DISP1: variants seen among roughly 807,000 people sequenced by gnomAD.
DISP1 encodes dispatched RND transporter family member 1, also known as protein dispatched homolog 1.
Under a neutral mutation model 37.3 loss-of-function variants are expected in DISP1, and 30 were observed. That is an observed-to-expected ratio of 0.80 (90% confidence interval 0.60 to 1.09). The LOEUF is 1.09. DISP1 is among the 50% of genes least tolerant of loss of function. DISP1 has a pLI of 0.00. For missense variants in DISP1, 1,598 were observed against 1,879.5 expected (o/e 0.85, Z 2.77); for synonymous variants, 634 against 690.2 (o/e 0.92, Z 1.28).
At chr1:222,877,853 G>A (rs1364854222) in intron 1 of DISP1, among the ~76,000 whole-genome samples, 1 of 152,208 alleles carries the variant, frequency 6.6e-6, no homozygotes, top group East Asian at 1.9e-4. Context: ...ACTCGGTGAA[G>A]AAGGGAGGGC....
chr1:222,955,212 G>A (rs750128914), intron 3 of DISP1, among the ~76,000 whole-genome samples: 6 of 151,688 alleles, frequency 4.0e-5, no homozygotes, highest in Non-Finnish European at 5.9e-5. Flanking sequence ...TCAGCCTCTC[G>A]AGTAGCTGGA....
intron 3 of DISP1, among the ~76,000 whole-genome samples, chr1:222,969,787 T>G (rs1425643533): frequency 2.0e-5 from 3 of 152,118 alleles, no homozygotes; most frequent in African/African-American, 7.2e-5. Flanking sequence ...TTACAATGTT[T>G]TATCTGTGTA....
intron 1 of DISP1, among the ~76,000 whole-genome samples, chr1:222,905,178 T>G (rs1483291134): frequency 6.6e-6 from 1 of 152,176 alleles, no homozygotes; most frequent in African/African-American, 2.4e-5. Flanking sequence ...AAAATATTAT[T>G]TTATAAATAG....
intron 3 of DISP1, among the ~76,000 whole-genome samples, chr1:222,969,024 A>G (rs181181286): frequency 6.6e-6 from 1 of 152,174 alleles, no homozygotes; most frequent in East Asian, 1.9e-4. Context: ...AATTGGGAAA[A>G]ACTAACATCT....
chr1:222,880,823 G>C (rs1381873755), intron 1 of DISP1, among the ~76,000 whole-genome samples: 1 of 152,160 alleles, frequency 6.6e-6, no homozygotes, highest in African/African-American at 2.4e-5. Context: ...TGCTTTGGGA[G>C]GCTGAGGCAG....
At chr1:222,928,817 T>A (rs1673228766) in intron 2 of DISP1, among the ~76,000 whole-genome samples, 1 of 152,164 alleles carries the variant, frequency 6.6e-6, no homozygotes, top group South Asian at 2.1e-4. Flanking sequence ...ATTTCTTAAG[T>A]TTGTTAAAAT....
Position 222,982,189 on chromosome 1 carries a change from T to C in DISP1, c.510-891T>C, listed in dbSNP as rs375428524. On this transcript the variant is annotated intron_variant, in intron 3 of 8. Coordinates refer to ENST00000675850, the MANE Select transcript of DISP1 (RefSeq NM_001377229.1). ...GCTTACTAAAAGCCGTATTCTCATA[T>C]TTGTTCTGCAATCTATGGCAATATG... Among the ~76,000 whole-genome samples the C allele has an allele frequency of 1.7e-4, 26 of 152,372 alleles. No homozygotes were observed. The East Asian group carries it at 4.2e-3, about 25-fold the overall frequency.
intron 3 of DISP1, among the ~76,000 whole-genome samples, chr1:222,951,949 T>C (rs1479763554): frequency 1.3e-5 from 2 of 152,200 alleles, no homozygotes; most frequent in Non-Finnish European, 2.9e-5. Flanking sequence ...TGTGTAAACT[T>C]TTATGTATAA....
intron 1 of DISP1, among the ~76,000 whole-genome samples, chr1:222,837,677 C>T (rs1667324761): frequency 6.6e-6 from 1 of 151,972 alleles, no homozygotes; most frequent in South Asian, 2.1e-4. Flanking sequence ...AAATAACTAG[C>T]AACAGCCAGT....
chr1:222,986,292 A>G (rs926309150), intron 4 of DISP1, among the ~76,000 whole-genome samples: 4 of 113,994 alleles, frequency 3.5e-5, no homozygotes, highest in African/African-American at 8.6e-5. Flanking sequence ...TGAGAAAGGC[A>G]GCAAAGAGCA....
intron 1 of DISP1, among the ~76,000 whole-genome samples, chr1:222,866,498 C>T (rs896111028): frequency 3.6e-4 from 54 of 152,050 alleles, no homozygotes; most frequent in African/African-American, 1.3e-3. Context: ...GTGCGTGCCA[C>T]CACGCCTAGC....
chr1:222,841,069 CAT>C (rs1446606448), intron 1 of DISP1, among the ~76,000 whole-genome samples: 1 of 152,044 alleles, frequency 6.6e-6, no homozygotes, highest in Non-Finnish European at 1.5e-5. Context: ...CAGTGCCAGA[CAT>C]ATAAAATGCT....
chr1:222,865,289 G>A (rs879356076), intron 1 of DISP1, among the ~76,000 whole-genome samples: 9 of 152,092 alleles, frequency 5.9e-5, no homozygotes, highest in Admixed American at 5.9e-4. Flanking sequence ...AGTAGGAAAA[G>A]TTGGAAAAGG....
At chr1:222,879,014 G>C (rs1026291877) in intron 1 of DISP1, among the ~76,000 whole-genome samples, 24 of 152,196 alleles carry the variant, frequency 1.6e-4, no homozygotes, top group African/African-American at 5.8e-4. Flanking sequence ...TGGCAGCTTG[G>C]TTCTTTGTCT....
At position 223,005,471 on chromosome 1, in the gene DISP1, C is replaced by T. The variant is rs766269187; in HGVS notation, c.4074C>T (p.His1358=). 266 of 1,613,718 alleles carry T rather than the reference C, an allele frequency of 1.6e-4. No homozygotes were observed. Among genetic ancestry groups the T allele is most frequent in the Non-Finnish European group, 2.0e-4 (235 of 1,180,036 alleles). Residue 1358 remains histidine, a synonymous_variant, in exon 9 of 9, where the codon CAC becomes CAT. Coordinates refer to ENST00000675850, the MANE Select transcript of DISP1 (RefSeq NM_001377229.1). ...CTCTGCCTAGGAATTTTTTCCTCCA[C>T]CCAGTGCAGCACATTCAGGCCCAAG... ...QNSLPRNFFL[H]PVQHIQAQEK...
intron 8 of DISP1, 58 bp downstream of exon 8, chr1:222,995,040 T>C: frequency 1.5e-6 from 2 of 1,346,062 alleles, no homozygotes; most frequent in Non-Finnish European, 2.1e-6. Flanking sequence ...TTATTGAAAC[T>C]CCTTTTACTG....
intron 1 of DISP1, among the ~76,000 whole-genome samples, chr1:222,865,889 G>A (rs1669158790): frequency 6.6e-6 from 1 of 152,062 alleles, no homozygotes; most frequent in Admixed American, 6.5e-5. Context: ...AGCCAGTTAC[G>A]TTTTTGTTTT....
intron 8 of DISP1, 113 bp downstream of exon 8, chr1:222,995,095 C>T (rs1397522062): frequency 5.9e-6 from 5 of 850,212 alleles, no homozygotes; most frequent in Non-Finnish European, 9.8e-6. Flanking sequence ...AGAGGCTTAC[C>T]TACTGAGGAG....
intron 2 of DISP1, among the ~76,000 whole-genome samples, chr1:222,938,874 G>T (rs1180618836): frequency 6.6e-6 from 1 of 151,660 alleles, no homozygotes; most frequent in East Asian, 1.9e-4. Context: ...TCCTATTCTG[G>T]CTGGTCACCT....
Sources: allele counts gnomAD v4.1 joint callset (sites outside exome capture counted in the v4.1 genomes callset), GRCh38; gene constraint gnomAD v4.1.1; transcripts MANE v1.5; gene names NCBI Gene and HGNC (gene_info 2026-07-23, HGNC 2026-07-21).